The following MAP3K1 variants were observed in gnomAD, a reference collection of about 807,000 sequenced individuals.
MAP3K1 encodes MAP/ERK kinase kinase 1.
A neutral mutation model predicts 144.2 loss-of-function variants in MAP3K1; 36 were observed. That is an observed-to-expected ratio of 0.25 (90% CI 0.19 to 0.33). MAP3K1 has a LOEUF of 0.33. Ranked by LOEUF, MAP3K1 falls within the 10% of genes least tolerant of loss-of-function variation. The pLI, the probability that MAP3K1 is intolerant of heterozygous loss-of-function variation, is 1.00. For missense variants in MAP3K1, 1,650 were observed against 1,881.9 expected, an observed-to-expected ratio of 0.88 and a Z score of 2.28; for synonymous variants, 718 against 688.7, an observed-to-expected ratio of 1.04 and a Z score of -0.67.
chr5:56,826,004 ATTTAT>A (rs769098211), intron 1 of MAP3K1, among the ~76,000 whole-genome samples: 6 of 151,786 alleles, frequency 4.0e-5, no homozygotes, highest in Non-Finnish European at 5.9e-5. Context: ...TTATTTAAAA[ATTTAT>A]TTTATAAGAA....
At chr5:56,873,811 A>G (rs1033726818) in intron 9 of MAP3K1, among the ~76,000 whole-genome samples, 1 of 152,172 alleles carries the variant, frequency 6.6e-6, no homozygotes, top group Non-Finnish European at 1.5e-5. Context: ...CAGCTTTGGA[A>G]TTCTCTTAGC....
rs558965285 is a variant in MAP3K1 at position 56,864,836 on chromosome 5, C to T, written c.937C>T (p.Arg313Trp). Residue 313 changes from arginine to tryptophan, a missense_variant, in exon 4 of 20, where the codon CGG becomes TGG. By Grantham distance (101) the Arg-to-Trp change is moderately radical (BLOSUM62 -3). Transcript: ENST00000399503. Reference protein sequence around the residue: ...ETNRRVNKVMRARLYLLQQIG... With the variant: ...ETNRRVNKVMWARLYLLQQIG... ...AAACCGCCGTGTTAACAAAGTGATGCGGGCCAGACTGTACTTACTGCAGCA... is the reference window on the plus strand; with the variant it reads ...AAACCGCCGTGTTAACAAAGTGATGTGGGCCAGACTGTACTTACTGCAGCA... The T allele has an allele frequency of 5.6e-6, 9 of 1,614,046 alleles. No homozygotes were observed. The highest frequency in any genetic ancestry group is 4.4e-5 in the South Asian group (4 of 91,076).
At chr5:56,873,755 T>G (rs1048312324) in intron 9 of MAP3K1, among the ~76,000 whole-genome samples, 1 of 152,218 alleles carries the variant, frequency 6.6e-6, no homozygotes, top group East Asian at 1.9e-4. Context: ...AGCTTATATA[T>G]CATTAGGATT....
intron 1 of MAP3K1, among the ~76,000 whole-genome samples, chr5:56,825,485 C>T (rs993412446): frequency 6.6e-6 from 1 of 152,190 alleles, no homozygotes. Context: ...ATCCTGCATA[C>T]AACTTTCTCC....
chr5:56,817,608 T>A (rs2111735348), intron 1 of MAP3K1, among the ~76,000 whole-genome samples: 1 of 152,354 alleles, frequency 6.6e-6, no homozygotes, highest in African/African-American at 2.4e-5. Context: ...TTACAAGAGT[T>A]ATGTACCTCT....
chr5:56,855,479 A>G (rs998217382), intron 1 of MAP3K1, among the ~76,000 whole-genome samples: 1 of 152,154 alleles, frequency 6.6e-6, no homozygotes, highest in Non-Finnish European at 1.5e-5. Flanking sequence ...AAAGATGTTT[A>G]ATATGTTGCC....
Position 56,882,453 on chromosome 5 carries a change from C to G in MAP3K1, c.3253C>G (p.Leu1085Val). 6.2e-7 allele frequency: 1 copy of G among 1,614,180 alleles called. No homozygotes were observed. Among genetic ancestry groups the G allele is most frequent in the Non-Finnish European group, 8.5e-7 (1 of 1,180,016 alleles). Reference protein sequence around the residue: ...DPSKNSMTLDLNSSSKCDDSF... With the variant: ...DPSKNSMTLDVNSSSKCDDSF... ...CTCAAAAAATAGCATGACACTTGAT[C>G]TGAACAGTAGTTCCAAATGTGATGA... The change falls in exon 14 of 20, where the codon CTG becomes GTG. Residue 1085 changes from leucine to valine, a missense_variant. Leu to Val is a conservative substitution (Grantham distance 32). This residue lies in a region of MAP3K1 where 841 missense variants were observed against 886.5 expected (regional missense o/e 0.95). Transcript: ENST00000399503.
chr5:56,881,120 T>G lies in MAP3K1; in HGVS notation c.2217T>G (p.Asn739Lys). 6.2e-7 allele frequency: 1 copy of G among 1,613,796 alleles called. No individual in the cohort carries two copies. Among genetic ancestry groups the G allele is most frequent in the Non-Finnish European group, 8.5e-7 (1 of 1,179,860 alleles). ...IGIGGVDYVL[N>K]CILGNQTESN... ...TTGGTGGTGTTGATTATGTCTTAAA[T>G]TGTATTCTTGGAAACCAAACTGAAT... The change falls in exon 13 of 20, where the codon AAT becomes AAG. Residue 739 changes from asparagine (N) to lysine (K), a missense_variant. Asn to Lys is a moderately conservative substitution (Grantham distance 94). This residue lies in a region of MAP3K1 where 841 missense variants were observed against 886.5 expected (regional missense o/e 0.95). Coordinates refer to ENST00000399503, the MANE Select transcript of MAP3K1 (RefSeq NM_005921.2).
chr5:56,833,976 T>A (rs3733951), intron 1 of MAP3K1, among the ~76,000 whole-genome samples: 12,899 of 152,166 alleles, frequency 0.085, 1,026 homozygotes, highest in East Asian at 0.34. Context: ...GCTTAGTGAC[T>A]GAGAGAATTC....
At chr5:56,826,473 C>T (rs1746317700) in intron 1 of MAP3K1, among the ~76,000 whole-genome samples, 1 of 127,052 alleles carries the variant, frequency 7.9e-6, no homozygotes. Context: ...GTGTTAAAAG[C>T]TCAGAGATGT....
intron 9 of MAP3K1, among the ~76,000 whole-genome samples, chr5:56,874,640 T>C (rs777045626): frequency 6.6e-6 from 1 of 152,130 alleles, no homozygotes; most frequent in Non-Finnish European, 1.5e-5. Flanking sequence ...TGTTTGTTTG[T>C]TTTCTTAATC....
intron 19 of MAP3K1, among the ~76,000 whole-genome samples, chr5:56,888,741 T>C (rs768999479): frequency 6.6e-6 from 1 of 152,206 alleles, no homozygotes; most frequent in Non-Finnish European, 1.5e-5. Context: ...GTAGGTATTA[T>C]AAGCACATTC....
chr5:56,827,296 TAAA>T (rs1019446325), intron 1 of MAP3K1, among the ~76,000 whole-genome samples: 1 of 151,962 alleles, frequency 6.6e-6, no homozygotes, highest in Non-Finnish European at 1.5e-5. Flanking sequence ...TAGGACAAAA[TAAA>T]AAAGCCTTTG....
chr5:56,889,673 C>G (rs918483755), intron 19 of MAP3K1, among the ~76,000 whole-genome samples: 1 of 152,144 alleles, frequency 6.6e-6, no homozygotes, highest in African/African-American at 2.4e-5. Context: ...TGGCTCTACC[C>G]CTTAATGGCC....
At position 56,862,669 on chromosome 5, in the gene MAP3K1, G is replaced by A. The variant is rs553453395; in HGVS notation, c.835-2065G>A. Among the ~76,000 whole-genome samples the A allele has an allele frequency of 5.3e-5, 8 of 152,128 alleles. No homozygotes were observed. The South Asian group carries it at 8.3e-4, about 16-fold the overall frequency. On this transcript the variant is annotated intron_variant, in intron 3 of 19. Coordinates refer to ENST00000399503, the MANE Select transcript of MAP3K1 (RefSeq NM_005921.2). The stretch of plus-strand genomic sequence containing the variant: ...CAGTGCTTCAAAAGTATTTTTATAC[G>A]TATGTCATCTTGTACATCTGTGAGC...
intron 6 of MAP3K1, among the ~76,000 whole-genome samples, chr5:56,866,651 T>G (rs1747683833): frequency 6.6e-6 from 1 of 152,190 alleles, no homozygotes. Context: ...GTGCCCAGTT[T>G]GAGAAGCATT....
rs1669615751 is a variant in MAP3K1, at chr5:56,895,222, G to T, written c.*1542G>T. The T allele has an allele frequency of 4.3e-6, 1 of 232,002 alleles. No homozygotes were observed. Among genetic ancestry groups the T allele is most frequent in the Admixed American group, 5.6e-5 (1 of 17,758 alleles). The allele number at this position is 232,002 out of a possible 1,614,324, so 14.4% of individuals were successfully genotyped here. A position where few individuals can be genotyped will look rare whatever the true frequency, so the allele number is the denominator to read the frequency against. On this transcript the variant is annotated 3_prime_UTR_variant, in exon 20 of 20. Transcript: ENST00000399503. ...GCTTACAATTTTTAAAAGGCAGTTT[G>T]TTTTTTATGTGAATATGTTTCTTAG...
intron 6 of MAP3K1, among the ~76,000 whole-genome samples, chr5:56,866,313 C>A (rs1747670107): frequency 6.6e-6 from 1 of 152,068 alleles, no homozygotes; most frequent in Non-Finnish European, 1.5e-5. Context: ...GAGGCCAAGG[C>A]AGGAGGATCG....
At position 56,872,623 on chromosome 5, in the gene MAP3K1, G is replaced by T; in HGVS notation, c.1424-18G>T. The stretch of plus-strand genomic sequence containing the variant: ...AACATTTACATTTTTGTAAGATTTT[G>T]TTTCTGTAATTTTTCAGGGGCAGAA... On this transcript the variant is annotated intron_variant, in intron 7 of 19. Coordinates refer to ENST00000399503, the MANE Select transcript of MAP3K1 (RefSeq NM_005921.2). 3 of 1,420,998 alleles carry T rather than the reference G, an allele frequency of 2.1e-6. No individual in the cohort carries two copies. Among genetic ancestry groups the T allele is most frequent in the Non-Finnish European group, 3.0e-6 (3 of 1,007,162 alleles). 88.0% of individuals were successfully genotyped at this position (1,420,998 alleles called of 1,614,324 possible).
Sources: allele counts gnomAD v4.1 joint callset (sites outside exome capture counted in the v4.1 genomes callset), GRCh38; gene constraint gnomAD v4.1.1; regional missense constraint gnomAD v4.1.1; transcripts MANE v1.5; gene names NCBI Gene and HGNC (gene_info 2026-07-23, HGNC 2026-07-21).